Variants in RNF216 observed in about 807,000 individuals in gnomAD.
RNF216 encodes ring finger protein 216, also known as E3 ubiquitin-protein ligase RNF216.
RNF216 carries 72 observed loss-of-function variants against 110.8 expected under a neutral mutation model. The ratio of observed to expected loss-of-function variants is 0.65; its 90% CI spans 0.54 to 0.79. The LOEUF (loss-of-function observed/expected upper bound fraction) is 0.79. Ranked by LOEUF, RNF216 falls within the 30% of genes least tolerant of loss-of-function variation. The probability of loss-of-function intolerance (pLI) is 0.00; values close to 1 mark genes in which losing one functional copy is unlikely to be tolerated. For missense variants in RNF216, 1,342 were observed against 1,141.2 expected, an observed-to-expected ratio of 1.18 and a Z score of -2.54; for synonymous variants, 495 against 407.5, an observed-to-expected ratio of 1.21 and a Z score of -2.59.
chr7:5,671,805 C>CAAAAAAAAAAAAAAAAAAAAAAAAAA (rs11319565), intron 13 of RNF216, among the ~76,000 whole-genome samples: 4 of 54,218 alleles, frequency 7.4e-5, no homozygotes, highest in East Asian at 1.0e-3. Flanking sequence ...AACTCCGTCT[C>CAAAAAAAAAAAAAAAAAAAAAAAAAA]AAAAAAAAAA....
intron 15 of RNF216, among the ~76,000 whole-genome samples, chr7:5,633,440 T>G (rs559393196): frequency 1.3e-5 from 2 of 152,010 alleles, no homozygotes; most frequent in African/African-American, 4.8e-5. Context: ...CTGGGCCTGG[T>G]GGCGTGCACC....
chr7:5,697,773 G>A (rs569579686), intron 13 of RNF216, among the ~76,000 whole-genome samples: 1 of 152,204 alleles, frequency 6.6e-6, no homozygotes, highest in African/African-American at 2.4e-5. Context: ...GAGCACAACA[G>A]GTTAGGTCAG....
intron 13 of RNF216, among the ~76,000 whole-genome samples, 175 bp downstream of exon 13, chr7:5,711,586 G>A (rs1306343235): frequency 6.6e-6 from 1 of 152,198 alleles, no homozygotes; most frequent in Admixed American, 6.5e-5. Context: ...TGCCATCTCA[G>A]TAACCATGTC....
intron 14 of RNF216, among the ~76,000 whole-genome samples, chr7:5,646,499 C>G (rs1788056865): frequency 6.6e-6 from 1 of 151,972 alleles, no homozygotes; most frequent in African/African-American, 2.4e-5. Flanking sequence ...CGAGACTATC[C>G]TGGCTAACAC....
chr7:5,658,241 A>G (rs970741602), intron 13 of RNF216, among the ~76,000 whole-genome samples: 12 of 152,208 alleles, frequency 7.9e-5, no homozygotes, highest in African/African-American at 2.9e-4. Flanking sequence ...TCCAGCAATG[A>G]CAGCCATTAA....
chr7:5,670,829 T>G (rs117106710), intron 13 of RNF216, among the ~76,000 whole-genome samples: 2 of 152,194 alleles, frequency 1.3e-5, no homozygotes, highest in Non-Finnish European at 2.9e-5. Context: ...CGGGAGGAAC[T>G]TGTAGTGGTG....
chr7:5,743,888 T>C (rs1794899813), intron 3 of RNF216, among the ~76,000 whole-genome samples: 1 of 152,182 alleles, frequency 6.6e-6, no homozygotes, highest in African/African-American at 2.4e-5. Context: ...GAATGTGAGG[T>C]GCTGGTGCTC....
intron 13 of RNF216, among the ~76,000 whole-genome samples, chr7:5,695,895 C>G (rs1791595641): frequency 6.6e-6 from 1 of 152,198 alleles, no homozygotes; most frequent in South Asian, 2.1e-4. Context: ...TTGTGTTGCA[C>G]TGAAAGACTA....
chr7:5,631,168 C>T (rs1562771096), intron 15 of RNF216, among the ~76,000 whole-genome samples: 1 of 152,094 alleles, frequency 6.6e-6, no homozygotes, highest in East Asian at 1.9e-4. Flanking sequence ...AACAAACAGC[C>T]AAAACGCAGA....
chr7:5,688,679 T>G (rs1303018477), intron 13 of RNF216, among the ~76,000 whole-genome samples: 1 of 152,190 alleles, frequency 6.6e-6, no homozygotes, highest in Non-Finnish European at 1.5e-5. Flanking sequence ...CATCTGACAG[T>G]GTATCTTCTG....
chr7:5,682,800 C>G (rs1379029067), intron 13 of RNF216, among the ~76,000 whole-genome samples: 1 of 152,122 alleles, frequency 6.6e-6, no homozygotes, highest in African/African-American at 2.4e-5. Flanking sequence ...CTCCAAGAGT[C>G]TTAAGCAAAT....
At chr7:5,625,575 T>C (rs1413119661) in intron 15 of RNF216, among the ~76,000 whole-genome samples, 1 of 152,230 alleles carries the variant, frequency 6.6e-6, no homozygotes, top group East Asian at 1.9e-4. Context: ...AGGTTATTAA[T>C]GTCACAGCCA....
intron 3 of RNF216, among the ~76,000 whole-genome samples, chr7:5,745,020 G>C (rs531839604): frequency 6.6e-6 from 1 of 151,460 alleles, no homozygotes; most frequent in South Asian, 2.1e-4. Flanking sequence ...TATGAAGTCA[G>C]AATCATGCTT....
intron 15 of RNF216, among the ~76,000 whole-genome samples, chr7:5,629,016 G>T (rs924827290): frequency 6.6e-5 from 10 of 151,914 alleles, no homozygotes; most frequent in Admixed American, 5.9e-4. Flanking sequence ...TGGCTAACAC[G>T]GTGAAACCCC....
intron 1 of RNF216, among the ~76,000 whole-genome samples, chr7:5,770,065 G>C (rs1443447213): frequency 5.0e-5 from 6 of 120,376 alleles, no homozygotes; most frequent in African/African-American, 1.9e-4. Flanking sequence ...ACTGAAAATC[G>C]GCTGGGCGTG....
chr7:5,721,299 A>C lies in RNF216; in HGVS notation c.1505-127T>G, dbSNP rs1793410753. 6.1e-6 allele frequency: 5 copies of C among 817,134 alleles called. No individual in the cohort carries two copies. In the Admixed American group the frequency reaches 1.3e-4, roughly 21 times the overall value. The allele number at this position is 817,134 out of a possible 1,614,324, so 50.6% of individuals were successfully genotyped here. A position where few individuals can be genotyped will look rare whatever the true frequency, so the allele number is the denominator to read the frequency against. ...TGATGGTACGTTTCATGACTTTTCTATCACATTCTACCATTTGGGAAGACT... is the reference window on the plus strand; with the variant it reads ...TGATGGTACGTTTCATGACTTTTCTCTCACATTCTACCATTTGGGAAGACT... On this transcript the variant is annotated intron_variant, in intron 8 of 16. Transcript: ENST00000389902.
At chr7:5,648,964 A>G (rs1479435447) in intron 14 of RNF216, among the ~76,000 whole-genome samples, 1 of 152,194 alleles carries the variant, frequency 6.6e-6, no homozygotes, top group African/African-American at 2.4e-5. Flanking sequence ...TAAAATTTCA[A>G]TTTTAGTTTT....
At position 5,622,564 on chromosome 7, in the gene RNF216, G is replaced by C. The variant is rs1786435683; in HGVS notation, c.*296C>G. 2.5e-6 allele frequency: 1 copy of C among 395,366 alleles called. No individual in the cohort carries two copies. The highest frequency in any genetic ancestry group is 4.3e-5 in the East Asian group (1 of 23,404). The allele number at this position is 395,366 out of a possible 1,614,324, so 24.5% of individuals were successfully genotyped here. ...TGTGAGCAGCAGGGACCTGGTCTAT[G>C]GCCTATGCCATGGACAAGGCAGAAG... is the stretch of plus-strand genomic sequence containing the variant. On this transcript the variant is annotated 3_prime_UTR_variant, in exon 17 of 17. Transcript: ENST00000389902.
At chr7:5,649,948 G>C (rs1029742470) in intron 14 of RNF216, 4 of 152,202 alleles carry the variant, frequency 2.6e-5, no homozygotes, top group African/African-American at 9.7e-5. Context: ...TGATTATGTC[G>C]TTCAATAGGA....
Sources: allele counts gnomAD v4.1 joint callset (sites outside exome capture counted in the v4.1 genomes callset), GRCh38; gene constraint gnomAD v4.1.1; transcripts MANE v1.5; gene names NCBI Gene and HGNC (gene_info 2026-07-23, HGNC 2026-07-21).